KCTD3: variants seen among roughly 807,000 people sequenced by gnomAD.
KCTD3 encodes the protein BTB/POZ domain-containing protein KCTD3.
KCTD3 carries 41 observed loss-of-function variants against 85.8 expected under a neutral mutation model. That is an observed-to-expected ratio of 0.48 (90% confidence interval 0.37 to 0.62). The LOEUF (loss-of-function observed/expected upper bound fraction) is 0.62, where lower values mean the gene tolerates loss of function less well. Among genes scored for constraint, KCTD3 ranks in the 20% least tolerant of loss-of-function variants. The probability of loss-of-function intolerance (pLI) is 0.00; values close to 1 mark genes in which losing one functional copy is unlikely to be tolerated. For synonymous variants in KCTD3, 338 were observed against 345.4 expected, an observed-to-expected ratio of 0.98 and a Z score of 0.24; for missense variants, 724 against 989.9, an observed-to-expected ratio of 0.73 and a Z score of 3.60.
chr1:215,602,229 C>T, intron 12 of KCTD3, 28 bp downstream of exon 12: 1 of 1,103,050 alleles, frequency 9.1e-7, no homozygotes. Context: ...TATATACATT[C>T]TTGACTTTTT....
At chr1:215,574,359 C>T (rs1226800227) in intron 3 of KCTD3, among the ~76,000 whole-genome samples, 1 of 152,066 alleles carries the variant, frequency 6.6e-6, no homozygotes, top group African/African-American at 2.4e-5. Flanking sequence ...TATGAGCTTA[C>T]ATTGGCATTA....
intron 8 of KCTD3, among the ~76,000 whole-genome samples, chr1:215,585,058 T>G (rs750005490): frequency 2.6e-5 from 4 of 152,136 alleles, no homozygotes; most frequent in Non-Finnish European, 4.4e-5. Context: ...CCCAGGAAGA[T>G]GTTACTGGAA....
chr1:215,610,524 A>G (rs963821478), intron 14 of KCTD3, among the ~76,000 whole-genome samples: 6 of 151,912 alleles, frequency 3.9e-5, no homozygotes, highest in South Asian at 4.1e-4. Flanking sequence ...GAGAGAAGAT[A>G]CAGTTCTATA....
intron 12 of KCTD3, among the ~76,000 whole-genome samples, chr1:215,602,698 A>C (rs1654881752): frequency 6.6e-6 from 1 of 152,162 alleles, no homozygotes; most frequent in Admixed American, 6.5e-5. Flanking sequence ...TAGTTCTGTA[A>C]AGTAGTAAGA....
At chr1:215,577,939 A>C (rs1659653077) in intron 5 of KCTD3, 62 bp from the exon 6 acceptor site, 1 of 1,572,230 alleles carries the variant, frequency 6.4e-7, no homozygotes, top group Non-Finnish European at 8.6e-7. Context: ...AGAAAATAAA[A>C]ATGGAGTACT....
chr1:215,607,373 C>G (rs1655070332), intron 13 of KCTD3, among the ~76,000 whole-genome samples: 1 of 151,242 alleles, frequency 6.6e-6, no homozygotes, highest in South Asian at 2.1e-4. Flanking sequence ...TCTACTCAGA[C>G]AAAAAAAAGT....
chr1:215,621,771 AT>A lies in KCTD3; in HGVS notation c.*1156del, dbSNP rs1655701118. 1 of 152,582 alleles carries A rather than the reference AT, an allele frequency of 6.6e-6. No individual in the cohort carries two copies. Among genetic ancestry groups the A allele is most frequent in the African/African-American group, 2.4e-5 (1 of 41,544 alleles). The allele number at this position is 152,582 out of a possible 1,614,324, so 9.5% of individuals were successfully genotyped here. ...GTTTCACAACAGTTCTCTTGTATTT[AT>A]TTATCAATTAAATCAAATAAAAATG... On this transcript the variant is annotated 3_prime_UTR_variant, in exon 18 of 18. Coordinates refer to ENST00000259154, the MANE Select transcript of KCTD3 (RefSeq NM_016121.5).
intron 8 of KCTD3, among the ~76,000 whole-genome samples, chr1:215,585,105 G>A (rs1041933264): frequency 4.6e-5 from 7 of 152,038 alleles, no homozygotes; most frequent in African/African-American, 1.7e-4. Context: ...AAGAGTTCTT[G>A]GATCTCTCAC....
chr1:215,593,857 C>CTTTTT (rs11362703), intron 9 of KCTD3, among the ~76,000 whole-genome samples: 1 of 111,794 alleles, frequency 8.9e-6, no homozygotes, highest in Admixed American at 9.0e-5. Context: ...TGGAATACAA[C>CTTTTT]TTTTTTTTTT....
At chr1:215,586,846 G>C (rs1449848521) in intron 9 of KCTD3, among the ~76,000 whole-genome samples, 161 bp downstream of exon 9, 2 of 152,166 alleles carry the variant, frequency 1.3e-5, no homozygotes, top group Non-Finnish European at 2.9e-5. Flanking sequence ...AAGGAAAAAT[G>C]ATGTTTTAGA....
chr1:215,574,175 C>T (rs1659482405), intron 3 of KCTD3, 57 bp downstream of exon 3: 5 of 1,022,514 alleles, frequency 4.9e-6, no homozygotes, highest in Non-Finnish European at 5.9e-6. Flanking sequence ...GTGCTTGGTC[C>T]TAACATATAG....
In KCTD3 at chr1:215,582,565, T is replaced by G. The variant is rs575807041; in HGVS notation, c.626+2566T>G. 7.9e-5 allele frequency among the ~76,000 whole-genome samples: 12 copies of G among 152,302 alleles called. No homozygotes were observed. The South Asian group carries it at 1.0e-3, about 13-fold the overall frequency. ...TTATTATATATTTTTTGTTTTGTTT[T>G]GTTTTTGAGATTTTGAGACAGAGTC... On this transcript the variant is annotated intron_variant, in intron 8 of 17. Coordinates refer to ENST00000259154, the MANE Select transcript of KCTD3 (RefSeq NM_016121.5).
At chr1:215,571,293 T>C (rs1042676268) in intron 1 of KCTD3, among the ~76,000 whole-genome samples, 9 of 152,200 alleles carry the variant, frequency 5.9e-5, no homozygotes, top group Admixed American at 5.2e-4. Context: ...ACCAAGTCAG[T>C]TTTCTGTGAC....
At position 215,619,144 on chromosome 1, in the gene KCTD3, TCTC is replaced by T. The variant is rs762200669; in HGVS notation, c.1748-6_1748-4del. ...TTAAGTGATTTTAATGACTATTTGT[TCTC>T]CTAAGATGTAGGTGGTCCAACCGAA... is the stretch of plus-strand genomic sequence containing the variant. On this transcript the variant is annotated splice_polypyrimidine_tract_variant and splice_region_variant and intron_variant, in intron 16 of 17. Coordinates refer to ENST00000259154, the MANE Select transcript of KCTD3 (RefSeq NM_016121.5). The T allele has an allele frequency of 2.5e-6, 4 of 1,611,938 alleles. No homozygotes were observed. The highest frequency in any genetic ancestry group is 1.6e-4 in the Middle Eastern group (1 of 6,080).
intron 15 of KCTD3, among the ~76,000 whole-genome samples, chr1:215,615,394 G>A (rs1655396878): frequency 6.6e-6 from 1 of 152,156 alleles, no homozygotes. Flanking sequence ...GCCGAGGCGG[G>A]CAGATCACAA....
In KCTD3 at chr1:215,602,070, A is replaced by C; in HGVS notation, c.1022-15A>C. ...GCTATTTATTTTAATGCTGTTTAAA[A>C]TTTTTATGTTTTAGATATGCAGAAG... On this transcript the variant is annotated splice_polypyrimidine_tract_variant and intron_variant, in intron 11 of 17. Transcript: ENST00000259154. The C allele has an allele frequency of 6.6e-7, 1 of 1,520,742 alleles. No homozygotes were observed. Among genetic ancestry groups the C allele is most frequent in the Non-Finnish European group, 9.1e-7 (1 of 1,103,884 alleles). The allele number at this position is 1,520,742 out of a possible 1,614,324, so 94.2% of individuals were successfully genotyped here.
rs1006522629 is a variant in KCTD3, at chr1:215,621,775, A to G, written c.*1157A>G. On this transcript the variant is annotated 3_prime_UTR_variant, in exon 18 of 18. Transcript: ENST00000259154. ...CACAACAGTTCTCTTGTATTTATTT[A>G]TCAATTAAATCAAATAAAAATGATT... 6.6e-6 allele frequency: 1 copy of G among 152,518 alleles called. No individual in the cohort carries two copies. Among genetic ancestry groups the G allele is most frequent in the African/African-American group, 2.4e-5 (1 of 41,438 alleles). The allele number at this position is 152,518 out of a possible 1,614,324, so 9.4% of individuals were successfully genotyped here. A position where few individuals can be genotyped will look rare whatever the true frequency, so the allele number is the denominator to read the frequency against.
intron 10 of KCTD3, among the ~76,000 whole-genome samples, chr1:215,598,626 G>A (rs1333128437): frequency 3.3e-5 from 5 of 152,048 alleles, no homozygotes; most frequent in Non-Finnish European, 7.4e-5. Context: ...CAATTAGAAA[G>A]CTGCTGTATT....
At chr1:215,609,005 C>A (rs1655138951) in intron 14 of KCTD3, among the ~76,000 whole-genome samples, 1 of 151,938 alleles carries the variant, frequency 6.6e-6, no homozygotes. Context: ...CGGTGAACAT[C>A]AACTTACAAT....
Sources: allele counts gnomAD v4.1 joint callset (sites outside exome capture counted in the v4.1 genomes callset), GRCh38; gene constraint gnomAD v4.1.1; transcripts MANE v1.5; gene names NCBI Gene and HGNC (gene_info 2026-07-23, HGNC 2026-07-21).